The following NRDC variants were observed in gnomAD, a reference collection of about 807,000 sequenced individuals.
NRDC encodes the protein nardilysin.
In NRDC, 54 loss-of-function variants were observed where a neutral mutation model predicts 147.1. That is an observed-to-expected ratio of 0.37 (90% confidence interval 0.29 to 0.46). NRDC has a LOEUF of 0.46. Among genes scored for constraint, NRDC ranks in the 20% least tolerant of loss-of-function variants. NRDC has a pLI of 1.00. For synonymous variants in NRDC, 440 were observed against 482.1 expected (o/e 0.91, Z 1.14); for missense variants, 1,082 against 1,370.6 (o/e 0.79, Z 3.33).
intron 1 of NRDC, among the ~76,000 whole-genome samples, chr1:51,852,455 TTATATAAC>T (rs951377945): frequency 4.3e-4 from 43 of 99,300 alleles, no homozygotes; most frequent in Admixed American, 9.9e-4. Flanking sequence ...ATATATAAAA[TTATATAAC>T]TATAACTATA....
At chr1:51,873,169 CAAAAA>C (rs111616092) in intron 1 of NRDC, among the ~76,000 whole-genome samples, 1 of 147,106 alleles carries the variant, frequency 6.8e-6, no homozygotes. Flanking sequence ...CCATCCAATA[CAAAAA>C]AAAAAGTTCT....
intron 20 of NRDC, among the ~76,000 whole-genome samples, chr1:51,803,077 G>A (rs1389656899): frequency 1.3e-5 from 2 of 152,114 alleles, no homozygotes; most frequent in Non-Finnish European, 2.9e-5. Context: ...AAACTTAGAA[G>A]GGAAACAAGA....
At chr1:51,873,585 A>G (rs1053947036) in intron 1 of NRDC, among the ~76,000 whole-genome samples, 1 of 151,582 alleles carries the variant, frequency 6.6e-6, no homozygotes, top group Non-Finnish European at 1.5e-5. Flanking sequence ...ATTTCAGCTC[A>G]CTGCAACCTC....
intron 2 of NRDC, 79 bp from the exon 3 acceptor site, chr1:51,836,291 T>C (rs1318070717): frequency 6.3e-7 from 1 of 1,584,708 alleles, no homozygotes; most frequent in Non-Finnish European, 8.7e-7. Context: ...AAGGATTCAT[T>C]TGGAGATGGA....
intron 6 of NRDC, among the ~76,000 whole-genome samples, chr1:51,824,040 T>A (rs2149210820): frequency 6.6e-6 from 1 of 152,002 alleles, no homozygotes; most frequent in South Asian, 2.1e-4. Context: ...AATAACTCCC[T>A]AAGCTTCCTT....
intron 17 of NRDC, among the ~76,000 whole-genome samples, 164 bp downstream of exon 17, chr1:51,809,151 C>T (rs541577811): frequency 6.6e-6 from 1 of 152,332 alleles, no homozygotes; most frequent in South Asian, 2.1e-4. Flanking sequence ...TTTTGACCCC[C>T]AGTTTTCTCA....
At chr1:51,845,928 AACAAAATGAG>A (rs1681542482) in intron 1 of NRDC, among the ~76,000 whole-genome samples, 1 of 152,144 alleles carries the variant, frequency 6.6e-6, no homozygotes, top group Non-Finnish European at 1.5e-5. Context: ...TACTTAATGA[AACAAAATGAG>A]ACAAAATCTA....
intron 4 of NRDC, 49 bp from the exon 5 acceptor site, chr1:51,827,918 A>G: frequency 2.9e-6 from 4 of 1,360,458 alleles, no homozygotes; most frequent in East Asian, 2.3e-5. Context: ...ACTTTCATCA[A>G]TCAACATCTA....
intron 5 of NRDC, 118 bp from the exon 6 acceptor site, chr1:51,825,500 G>A (rs1198171968): frequency 1.6e-5 from 12 of 769,856 alleles, no homozygotes; most frequent in East Asian, 1.5e-4. Flanking sequence ...CATGAATCAC[G>A]TGTTATAAGA....
chr1:51,848,855 A>C (rs1490929958), intron 1 of NRDC, among the ~76,000 whole-genome samples: 1 of 152,216 alleles, frequency 6.6e-6, no homozygotes, highest in African/African-American at 2.4e-5. Context: ...AGCACAAAAA[A>C]GGTCTGTTAT....
intron 17 of NRDC, 124 bp downstream of exon 17, chr1:51,809,191 A>T: frequency 1.3e-6 from 1 of 741,828 alleles, no homozygotes; most frequent in Non-Finnish European, 2.3e-6. Flanking sequence ...ACTAATGCCA[A>T]CCTCAGAATG....
chr1:51,860,996 C>G (rs112216281), intron 1 of NRDC, among the ~76,000 whole-genome samples: 30,241 of 149,084 alleles, frequency 0.2, 3,999 homozygotes, highest in Non-Finnish European at 0.28. Context: ...GTCACCCAAG[C>G]TGGAATACAG....
At chr1:51,809,247 A>G (rs867665413) in intron 17 of NRDC, 68 bp downstream of exon 17, 1 of 937,344 alleles carries the variant, frequency 1.1e-6, no homozygotes, top group Non-Finnish European at 1.7e-6. Flanking sequence ...TTTGTAAAAT[A>G]TAATGTGCTA....
chr1:51,848,198 G>T (rs1681749413), intron 1 of NRDC, among the ~76,000 whole-genome samples: 1 of 152,142 alleles, frequency 6.6e-6, no homozygotes, highest in African/African-American at 2.4e-5. Context: ...AATTACGGTG[G>T]GGCGCGGTGG....
chr1:51,796,837 C>T lies in NRDC; in HGVS notation c.2604+1412G>A, dbSNP rs536962139. Among the ~76,000 whole-genome samples the T allele has an allele frequency of 3.3e-5, 5 of 150,046 alleles. No individual in the cohort carries two copies. The East Asian group carries it at 8.1e-4, about 24-fold the overall frequency. ...TCTTGACCTTGTGATCCGCCCACCT[C>T]GGCCTCCCAAAGTGCTGGGATTACA... On this transcript the variant is annotated intron_variant, in intron 22 of 30. Coordinates refer to ENST00000352171, the MANE Select transcript of NRDC (RefSeq NM_001101662.2).
chr1:51,820,021 C>T (rs1027289051), intron 8 of NRDC, 148 bp from the exon 9 acceptor site: 14 of 622,796 alleles, frequency 2.2e-5, no homozygotes, highest in Admixed American at 3.0e-5. Flanking sequence ...TAGATGGCAA[C>T]ACAGCCACAA....
At chr1:51,875,718 C>T (rs1308491020) in intron 1 of NRDC, among the ~76,000 whole-genome samples, 1 of 150,588 alleles carries the variant, frequency 6.6e-6, no homozygotes, top group Non-Finnish European at 1.5e-5. Context: ...CCACCACACC[C>T]GGCTAATTTT....
At position 51,827,835 on chromosome 1, in the gene NRDC, T is replaced by C. The variant is rs759185655; in HGVS notation, c.901A>G (p.Arg301Gly). The stretch of plus-strand genomic sequence containing the variant: ...TCAACTTCACGGTCAATTGCATCTC[T>C]GATCATTAGTGGGTGGATGAAGAAC... ...AQFFIHPLMI[R>G]DAIDREVEAV... The change falls in exon 5 of 31, where the codon AGA becomes GGA. Residue 301 changes from arginine (R) to glycine (G), a missense_variant. Around this residue, in one of 3 missense-constraint regions of NRDC, gnomAD observed 635 missense variants for 923.8 expected, o/e 0.69. Transcript: ENST00000352171. 6.2e-7 allele frequency: 1 copy of C among 1,613,916 alleles called. No homozygotes were observed. The highest frequency in any genetic ancestry group is 2.2e-5 in the East Asian group (1 of 44,830).
Position 51,823,604 on chromosome 1 carries a change from A to G in NRDC, c.1159+60T>C, listed in dbSNP as rs977463154. On this transcript the variant is annotated intron_variant, in intron 7 of 30. Coordinates refer to ENST00000352171, the MANE Select transcript of NRDC (RefSeq NM_001101662.2). ...AGTACACTACAACACTGATACAGGC[A>G]AACAAATCCTAAGAAAGCGCTACTT... 6.2e-6 allele frequency: 9 copies of G among 1,443,520 alleles called. No individual in the cohort carries two copies. In the African/African-American group the frequency reaches 1.1e-4, roughly 18 times the overall value. 89.4% of individuals were successfully genotyped at this position (1,443,520 alleles called of 1,614,324 possible).
Sources: allele counts gnomAD v4.1 joint callset (sites outside exome capture counted in the v4.1 genomes callset), GRCh38; gene constraint gnomAD v4.1.1; regional missense constraint gnomAD v4.1.1; transcripts MANE v1.5; gene names NCBI Gene and HGNC (gene_info 2026-07-23, HGNC 2026-07-21).